The following XKR6 variants were observed in gnomAD, a reference collection of about 807,000 sequenced individuals.
XKR6 encodes XK related 6.
Under a neutral mutation model 56.7 loss-of-function variants are expected in XKR6, and 22 were observed. The ratio of observed to expected loss-of-function variants is 0.39; its 90% CI spans 0.28 to 0.55. The LOEUF (loss-of-function observed/expected upper bound fraction) is 0.55. Ranked by LOEUF, XKR6 falls within the 20% of genes least tolerant of loss-of-function variation. The probability of loss-of-function intolerance (pLI) is 0.66; values close to 1 mark genes in which losing one functional copy is unlikely to be tolerated. For missense variants in XKR6, 852 were observed against 889.0 expected, an observed-to-expected ratio of 0.96 and a Z score of 0.53; for synonymous variants, 524 against 387.8, an observed-to-expected ratio of 1.35 and a Z score of -4.13.
At chr8:10,999,156 A>G (rs77815151) in intron 1 of XKR6, among the ~76,000 whole-genome samples, 6,150 of 152,322 alleles carry the variant, frequency 0.04, 182 homozygotes, top group Middle Eastern at 0.085. Flanking sequence ...CAGGACAGGG[A>G]TTTCAGTCCT....
intron 2 of XKR6, among the ~76,000 whole-genome samples, chr8:10,912,941 T>A (rs895568530): frequency 9.3e-5 from 14 of 150,694 alleles, no homozygotes; most frequent in African/African-American, 3.4e-4. Flanking sequence ...AGTGTATATA[T>A]CTATAGAGGG....
At chr8:11,101,602 A>G (rs769623462) in intron 1 of XKR6, among the ~76,000 whole-genome samples, 18 of 152,182 alleles carry the variant, frequency 1.2e-4, no homozygotes, top group Non-Finnish European at 2.4e-4. Flanking sequence ...GAGATTAAAA[A>G]CTGGGAATCC....
intron 1 of XKR6, among the ~76,000 whole-genome samples, chr8:11,096,196 T>G (rs1044192000): frequency 6.6e-6 from 1 of 152,230 alleles, no homozygotes. Context: ...CAGAGATGTA[T>G]ACAAAGATTC....
chr8:11,146,968 G>C (rs1053398148), intron 1 of XKR6, among the ~76,000 whole-genome samples: 4 of 152,166 alleles, frequency 2.6e-5, no homozygotes, highest in East Asian at 1.9e-4. Context: ...ACAAGCTGGG[G>C]AAGAGGAAAA....
chr8:11,059,398 G>A (rs987472404), intron 1 of XKR6, among the ~76,000 whole-genome samples: 4 of 152,226 alleles, frequency 2.6e-5, no homozygotes, highest in African/African-American at 7.2e-5. Context: ...GAGCCGGGCT[G>A]GCGCCCGAAG....
At chr8:11,112,762 T>C (rs1798968088) in intron 1 of XKR6, among the ~76,000 whole-genome samples, 1 of 152,218 alleles carries the variant, frequency 6.6e-6, no homozygotes, top group South Asian at 2.1e-4. Flanking sequence ...GCTCTCCCAG[T>C]CAACCTAATG....
At chr8:10,917,325 C>T (rs193091286) in intron 2 of XKR6, among the ~76,000 whole-genome samples, 1 of 152,332 alleles carries the variant, frequency 6.6e-6, no homozygotes, top group East Asian at 1.9e-4. Flanking sequence ...GGGAGAGGGG[C>T]TGGATGGCCT....
chr8:11,117,686 C>T (rs995876835), intron 1 of XKR6, among the ~76,000 whole-genome samples: 2 of 151,876 alleles, frequency 1.3e-5, no homozygotes, highest in African/African-American at 4.8e-5. Context: ...ATGACATAAA[C>T]CCTAGGAGCC....
At chr8:10,970,816 A>AC (rs925848026) in intron 1 of XKR6, among the ~76,000 whole-genome samples, 2 of 151,884 alleles carry the variant, frequency 1.3e-5, no homozygotes, top group African/African-American at 4.8e-5. Context: ...AAAAAAAAAA[A>AC]AAAAAACCTC....
intron 1 of XKR6, among the ~76,000 whole-genome samples, chr8:11,010,207 G>C (rs747298804): frequency 7.2e-5 from 11 of 152,156 alleles, no homozygotes; most frequent in Non-Finnish European, 1.6e-4. Context: ...CAAACAACCA[G>C]ATTTCATGAG....
At chr8:11,199,950 G>A (rs920481771) in intron 1 of XKR6, among the ~76,000 whole-genome samples, 15 of 151,890 alleles carry the variant, frequency 9.9e-5, no homozygotes, top group Non-Finnish European at 8.8e-5. Context: ...GCTAAGAAAA[G>A]GACACGTCTA....
intron 2 of XKR6, among the ~76,000 whole-genome samples, chr8:10,904,541 C>T (rs546423084): frequency 2.6e-5 from 4 of 152,090 alleles, no homozygotes; most frequent in African/African-American, 4.8e-5. Context: ...AGTGACAGGG[C>T]GTCTTGCAAA....
At chr8:11,120,246 G>C (rs1166659181) in intron 1 of XKR6, among the ~76,000 whole-genome samples, 1 of 152,164 alleles carries the variant, frequency 6.6e-6, no homozygotes, top group Admixed American at 6.5e-5. Context: ...AAGTCAAATT[G>C]TCCCTGTTTG....
At chr8:11,143,163 G>T (rs1800789521) in intron 1 of XKR6, among the ~76,000 whole-genome samples, 1 of 152,074 alleles carries the variant, frequency 6.6e-6, no homozygotes, top group African/African-American at 2.4e-5. Flanking sequence ...TAGGCACTGA[G>T]CATCAATAGC....
intron 1 of XKR6, among the ~76,000 whole-genome samples, chr8:10,991,093 G>A (rs933058845): frequency 3.3e-5 from 5 of 151,748 alleles, no homozygotes; most frequent in Non-Finnish European, 7.4e-5. Flanking sequence ...TAGTAGAGAC[G>A]GGGTTTCACC....
chr8:10,990,521 T>C (rs73196880), intron 1 of XKR6, among the ~76,000 whole-genome samples: 19,554 of 152,212 alleles, frequency 0.13, 1,539 homozygotes, highest in South Asian at 0.23. Flanking sequence ...GAGCTGTCCA[T>C]GGACACAACA....
At chr8:11,002,523 G>A (rs537474793) in intron 1 of XKR6, 8 of 324,640 alleles carry the variant, frequency 2.5e-5, no homozygotes, top group South Asian at 1.4e-4. Flanking sequence ...AAGCAGGAAT[G>A]GGGAAGGTGT....
At chr8:10,971,250 C>T (rs112072801) in intron 1 of XKR6, among the ~76,000 whole-genome samples, 59 of 151,734 alleles carry the variant, frequency 3.9e-4, no homozygotes, top group African/African-American at 1.3e-3. Context: ...CGAAACTCCA[C>T]CTCTACTAAA....
intron 1 of XKR6, among the ~76,000 whole-genome samples, chr8:11,034,406 T>G (rs1165962439): frequency 6.6e-6 from 1 of 151,940 alleles, no homozygotes; most frequent in African/African-American, 2.4e-5. Flanking sequence ...GTCCAGGACA[T>G]TTATGGGGAA....
Sources: allele counts gnomAD v4.1 joint callset (sites outside exome capture counted in the v4.1 genomes callset), GRCh38; gene constraint gnomAD v4.1.1; transcripts MANE v1.5; gene names NCBI Gene and HGNC (gene_info 2026-07-23, HGNC 2026-07-21).